ZBTB7C: variants seen among roughly 807,000 people sequenced by gnomAD.
ZBTB7C encodes the protein zinc finger and BTB domain containing 7C.
ZBTB7C carries 8 observed loss-of-function variants against 25.7 expected under a neutral mutation model. The observed-to-expected ratio is 0.31, with a 90% CI of 0.18 to 0.56. ZBTB7C has a LOEUF of 0.56. ZBTB7C is among the 20% of genes least tolerant of loss of function. The pLI is 0.91. For missense variants in ZBTB7C, 824 were observed against 855.2 expected (o/e 0.96, Z 0.46); for synonymous variants, 394 against 369.0 (o/e 1.07, Z -0.78).
chr18:48,182,794 A>G (rs1383241797), intron 3 of ZBTB7C, among the ~76,000 whole-genome samples: 1 of 152,242 alleles, frequency 6.6e-6, no homozygotes, highest in African/African-American at 2.4e-5. Flanking sequence ...AACAGAATAC[A>G]CAATATGCAA....
intron 2 of ZBTB7C, among the ~76,000 whole-genome samples, chr18:48,289,142 C>T (rs1417223362): frequency 1.3e-5 from 2 of 152,180 alleles, no homozygotes; most frequent in African/African-American, 2.4e-5. Context: ...TCACACACTC[C>T]TTCCAGGAGT....
chr18:48,152,771 C>T (rs1598980845), intron 3 of ZBTB7C, among the ~76,000 whole-genome samples: 2 of 152,326 alleles, frequency 1.3e-5, no homozygotes, highest in South Asian at 2.1e-4. Flanking sequence ...TAAGATGGGA[C>T]ACACACTTGA....
intron 3 of ZBTB7C, among the ~76,000 whole-genome samples, chr18:48,093,622 A>AAC (rs2038504243): frequency 1.3e-5 from 2 of 151,808 alleles, no homozygotes; most frequent in Non-Finnish European, 2.9e-5. Context: ...AAAAAACAAA[A>AAC]AAAACACACA....
At chr18:48,355,542 G>A (rs1374216490) in intron 1 of ZBTB7C, among the ~76,000 whole-genome samples, 6 of 152,086 alleles carry the variant, frequency 3.9e-5, no homozygotes, top group African/African-American at 1.2e-4. Context: ...ATTCGCTTCC[G>A]CACTATCCTG....
chr18:48,049,359 A>G (rs773816953), intron 3 of ZBTB7C, among the ~76,000 whole-genome samples: 14 of 152,192 alleles, frequency 9.2e-5, no homozygotes, highest in Non-Finnish European at 8.8e-5. Flanking sequence ...GGAATGAGTC[A>G]GCCTGAGGTT....
chr18:48,389,219 TCTCTCTCTCTCTCTCTC>T (rs1477108280), intron 1 of ZBTB7C, among the ~76,000 whole-genome samples: 22 of 126,854 alleles, frequency 1.7e-4, no homozygotes, highest in Admixed American at 6.8e-4. Flanking sequence ...TCTCTCTCTC[TCTCTCTCTCTCTCTCTC>T]GTGTGTGTGT....
At chr18:48,207,074 T>G (rs567488773) in intron 2 of ZBTB7C, among the ~76,000 whole-genome samples, 2 of 151,988 alleles carry the variant, frequency 1.3e-5, no homozygotes, top group Non-Finnish European at 2.9e-5. Context: ...ATCGAAATGG[T>G]GAATAAACAT....
At chr18:48,235,954 G>A (rs9949948) in intron 2 of ZBTB7C, among the ~76,000 whole-genome samples, 1 of 151,900 alleles carries the variant, frequency 6.6e-6, no homozygotes, top group South Asian at 2.1e-4. Flanking sequence ...CCTAATTTGA[G>A]AATTTAAATT....
intron 3 of ZBTB7C, among the ~76,000 whole-genome samples, chr18:48,110,686 C>T (rs906964318): frequency 6.6e-6 from 1 of 152,240 alleles, no homozygotes; most frequent in African/African-American, 2.4e-5. Context: ...TGCTACATCT[C>T]GCCAAGCAGC....
At chr18:48,240,183 A>G (rs2043486594) in intron 2 of ZBTB7C, among the ~76,000 whole-genome samples, 1 of 152,064 alleles carries the variant, frequency 6.6e-6, no homozygotes. Context: ...TTTTAAATGA[A>G]CAAAGCCTCC....
rs555040804 is a variant in ZBTB7C at position 48,180,203 on chromosome 18, CTCCT to C, written c.-17+5727_-17+5730del. On this transcript the variant is annotated intron_variant, in intron 3 of 4. Transcript: ENST00000590800. Reference sequence around the variant, plus strand: ...TCCCTTCCCTGCAAGGAAGATATTTCTCCTTCCTTCCTTCCTTCCTTTCCTTCCC... The same window carrying C: ...TCCCTTCCCTGCAAGGAAGATATTTCTCCTTCCTTCCTTCCTTTCCTTCCC... 1,963 of 221,080 alleles carry C rather than the reference CTCCT, an allele frequency of 8.9e-3. 28 individuals are homozygous for C. Among genetic ancestry groups the C allele is most frequent in the African/African-American group, 0.038 (1,375 of 36,474 alleles). The allele number at this position is 221,080 out of a possible 1,614,324, so 13.7% of individuals were successfully genotyped here. A position where few individuals can be genotyped will look rare whatever the true frequency, so the allele number is the denominator to read the frequency against.
chr18:48,066,176 C>T (rs577572448), intron 3 of ZBTB7C, among the ~76,000 whole-genome samples: 1 of 152,356 alleles, frequency 6.6e-6, no homozygotes. Flanking sequence ...TCCCTGGGGA[C>T]TGGGCTAGTG....
intron 3 of ZBTB7C, among the ~76,000 whole-genome samples, chr18:48,122,764 C>A (rs1274000943): frequency 6.6e-6 from 1 of 152,168 alleles, no homozygotes; most frequent in African/African-American, 2.4e-5. Context: ...TACATTCAGT[C>A]CAACCCAGGA....
At chr18:48,402,700 C>T (rs1341355622) in intron 1 of ZBTB7C, among the ~76,000 whole-genome samples, 1 of 152,018 alleles carries the variant, frequency 6.6e-6, no homozygotes, top group Non-Finnish European at 1.5e-5. Context: ...TTTTGGAAAA[C>T]AATGTTTTTC....
chr18:48,066,085 T>C (rs1325222242), intron 3 of ZBTB7C, among the ~76,000 whole-genome samples: 1 of 152,226 alleles, frequency 6.6e-6, no homozygotes, highest in Non-Finnish European at 1.5e-5. Flanking sequence ...GCTCTCTCCT[T>C]CATCTGCCAG....
chr18:48,138,838 G>A (rs1226484777), intron 3 of ZBTB7C, among the ~76,000 whole-genome samples: 3 of 152,186 alleles, frequency 2.0e-5, no homozygotes, highest in Non-Finnish European at 4.4e-5. Context: ...GGAGGTAAAG[G>A]TGCCAACACA....
chr18:48,285,053 T>C (rs1349781684), intron 2 of ZBTB7C, among the ~76,000 whole-genome samples: 2 of 152,242 alleles, frequency 1.3e-5, no homozygotes, highest in Non-Finnish European at 2.9e-5. Context: ...ACTTCTTTAA[T>C]GGTATTGTTC....
chr18:48,213,325 A>C (rs1400342167), intron 2 of ZBTB7C, among the ~76,000 whole-genome samples: 1 of 152,222 alleles, frequency 6.6e-6, no homozygotes, highest in Non-Finnish European at 1.5e-5. Context: ...TCTGGAAATT[A>C]ATGTGCCCAT....
chr18:48,202,064 G>A (rs1225236880), intron 2 of ZBTB7C, among the ~76,000 whole-genome samples: 6 of 152,244 alleles, frequency 3.9e-5, no homozygotes, highest in African/African-American at 1.2e-4. Context: ...GCAGGTCAGC[G>A]GAGAGCTGAG....
Sources: allele counts gnomAD v4.1 joint callset (sites outside exome capture counted in the v4.1 genomes callset), GRCh38; gene constraint gnomAD v4.1.1; transcripts MANE v1.5; gene names NCBI Gene and HGNC (gene_info 2026-07-23, HGNC 2026-07-21).